CPZ: variants seen among roughly 807,000 people sequenced by gnomAD.
CPZ encodes the protein carboxypeptidase Z.
A neutral mutation model predicts 61.8 loss-of-function variants in CPZ; 103 were observed. The ratio of observed to expected loss-of-function variants is 1.67; its 90% CI spans 1.42 to 1.96. The LOEUF (loss-of-function observed/expected upper bound fraction) is 1.96, where lower values mean the gene tolerates loss of function less well. Among genes scored for constraint, CPZ ranks in the 30% most tolerant of loss-of-function variants. The pLI is 0.00. For missense variants in CPZ, 1,461 were observed against 914.9 expected (o/e 1.60, Z -7.70); for synonymous variants, 551 against 373.7 (o/e 1.47, Z -5.47).
At chr4:8,601,047 C>A in intron 2 of CPZ, 76 bp from the exon 3 acceptor site, 1 of 1,489,972 alleles carries the variant, frequency 6.7e-7, no homozygotes, top group Admixed American at 2.3e-5. Flanking sequence ...TGCGTGGGGT[C>A]CCCTACGTAA....
chr4:8,606,156 C>G lies in CPZ; in HGVS notation c.877C>G (p.Pro293Ala). Residue 293 changes from proline to alanine, a missense_variant, in exon 5 of 11, where the codon CCT becomes GCT. Coordinates refer to ENST00000360986, the MANE Select transcript of CPZ (RefSeq NM_001014447.3). ...CATCCACCTGCTGCCCTCCATGAACCCTGACGGCTATGAGGTGGCAGCTGC... is the reference window on the plus strand; with the variant it reads ...CATCCACCTGCTGCCCTCCATGAACGCTGACGGCTATGAGGTGGCAGCTGC... ...TRIHLLPSMN[P>A]DGYEVAAAEG... 6.2e-7 allele frequency: 1 copy of G among 1,614,152 alleles called. No homozygotes were observed. Among genetic ancestry groups the G allele is most frequent in the Non-Finnish European group, 8.5e-7 (1 of 1,180,024 alleles).
At chr4:8,609,900 C>T (rs1247142526) in intron 7 of CPZ, among the ~76,000 whole-genome samples, 1 of 152,168 alleles carries the variant, frequency 6.6e-6, no homozygotes, top group Non-Finnish European at 1.5e-5. Context: ...TGGGGTGTGC[C>T]AAGGTACCCT....
intron 7 of CPZ, among the ~76,000 whole-genome samples, chr4:8,608,646 G>GTGTGTA (rs764702901): frequency 6.6e-6 from 1 of 151,514 alleles, no homozygotes; most frequent in African/African-American, 2.4e-5. Flanking sequence ...GTGCACGTGT[G>GTGTGTA]TGCGTGTGCA....
intron 3 of CPZ, chr4:8,603,593 C>T (rs76340726): frequency 0.16 from 41,474 of 266,038 alleles, 3,926 homozygotes; most frequent in Non-Finnish European, 0.2. Context: ...GCCTGAGTGC[C>T]ACTGTCATGG....
Position 8,606,892 on chromosome 4 carries a change from G to C in CPZ, c.1062G>C (p.Trp354Cys). ...TCCCCATCCCCCAGCACTACTGGTG[G>C]GGTAAGGTAGGAGCCGCCGCTGCCC... Reference protein sequence around the residue: ...DHIPIPQHYWWGKVAPETKAI... With the variant: ...DHIPIPQHYWCGKVAPETKAI... The change falls in exon 6 of 11, where the codon TGG (tryptophan) becomes TGC (cysteine). Residue 354 changes from tryptophan (W) to cysteine (C), a missense_variant. By Grantham distance (215) the Trp-to-Cys change is radical. Coordinates refer to ENST00000360986, the MANE Select transcript of CPZ (RefSeq NM_001014447.3). 1 of 1,608,794 alleles carries C rather than the reference G, an allele frequency of 6.2e-7. No individual in the cohort carries two copies. Among genetic ancestry groups the C allele is most frequent in the Non-Finnish European group, 8.5e-7 (1 of 1,177,908 alleles).
At chr4:8,612,203 GTGCAGGGGCT>G in intron 8 of CPZ, 41 bp downstream of exon 8, 1 of 263,582 alleles carries the variant, frequency 3.8e-6, no homozygotes, top group Non-Finnish European at 6.8e-6. Flanking sequence ...GGGGTGGGGG[GTGCAGGGGCT>G]GGGTGGGGCA....
intron 1 of CPZ, among the ~76,000 whole-genome samples, chr4:8,595,955 G>A (rs1455434984): frequency 1.3e-5 from 2 of 152,312 alleles, no homozygotes; most frequent in Non-Finnish European, 1.5e-5. Flanking sequence ...ACCAGGAGCC[G>A]GGAGGGGCGG....
Position 8,601,298 on chromosome 4 carries a change from G to A in CPZ, c.297G>A (p.Leu99=), listed in dbSNP as rs1440598194. 1.2e-6 allele frequency: 2 copies of A among 1,612,912 alleles called. No individual in the cohort carries two copies. The highest frequency in any genetic ancestry group is 1.7e-5 in the Admixed American group (1 of 60,008). The change falls in exon 3 of 11, where the codon CTG becomes CTA. Residue 99 remains leucine (L), a synonymous_variant. Coordinates refer to ENST00000360986, the MANE Select transcript of CPZ (RefSeq NM_001014447.3). ...GCCAGTGCAACCCGGACCTGCGGCT[G>A]CTGGGCTGTGCTGTGCTGGCCCCCC... The part of the protein sequence containing the change: ...LEGQCNPDLR[L]LGCAVLAPRC...
chr4:8,611,145 A>T, intron 7 of CPZ: 2 of 436,284 alleles, frequency 4.6e-6, no homozygotes, highest in Non-Finnish European at 9.5e-6. Flanking sequence ...AGTGTCCTCC[A>T]CTCCTCCTTT....
At chr4:8,600,110 T>C (rs1714462136) in intron 2 of CPZ, 1 of 152,222 alleles carries the variant, frequency 6.6e-6, no homozygotes, top group Admixed American at 6.5e-5. Flanking sequence ...CAATGACATA[T>C]GTAAAATGTC....
chr4:8,608,906 G>A (rs974828204), intron 7 of CPZ, among the ~76,000 whole-genome samples: 1 of 152,160 alleles, frequency 6.6e-6, no homozygotes. Context: ...AGAGCAAGCT[G>A]AGCACTCTGC....
chr4:8,618,195 C>A (rs1038296616), intron 9 of CPZ: 1 of 548,736 alleles, frequency 1.8e-6, no homozygotes, highest in East Asian at 3.2e-5. Flanking sequence ...GATGCAGGGT[C>A]ATTCAAAAGC....
intron 1 of CPZ, among the ~76,000 whole-genome samples, chr4:8,597,013 C>T (rs1459008642): frequency 3.3e-5 from 5 of 152,230 alleles, no homozygotes; most frequent in African/African-American, 7.2e-5. Flanking sequence ...AGCCGGGCAC[C>T]GTCAGAGCCT....
intron 7 of CPZ, among the ~76,000 whole-genome samples, chr4:8,609,971 G>C (rs1715515221): frequency 6.6e-6 from 1 of 152,186 alleles, no homozygotes. Flanking sequence ...AGTGTTCAAG[G>C]CCCTGCAGGC....
At chr4:8,609,160 TCATTCACTCACC>T (rs1300702288) in intron 7 of CPZ, among the ~76,000 whole-genome samples, 4 of 137,200 alleles carry the variant, frequency 2.9e-5, no homozygotes, top group African/African-American at 1.2e-4. Context: ...ACTCCCTCAC[TCATTCACTCACC>T]CATTCACTCA....
intron 9 of CPZ, among the ~76,000 whole-genome samples, chr4:8,617,286 C>T (rs1716257396): frequency 6.6e-6 from 1 of 152,192 alleles, no homozygotes; most frequent in Non-Finnish European, 1.5e-5. Context: ...AACTGAGGCA[C>T]CCAGAAGCAA....
In CPZ at chr4:8,592,919, C is replaced by T. The variant is rs755483615; in HGVS notation, c.86C>T (p.Ala29Val). 9 of 1,534,726 alleles carry T rather than the reference C, an allele frequency of 5.9e-6. No individual in the cohort carries two copies. The South Asian group carries it at 7.2e-5, about 12-fold the overall frequency. The stretch of plus-strand genomic sequence containing the variant: ...GGGTGCGAGTTTGAGCGGAACCCCG[C>T]CGGTAAGGCCGTCCCCTGCCCCCAC... ...RPGCEFERNP[A>V]GECHRPPAAD... is the part of the protein sequence containing the mutation. The change falls in exon 1 of 11, where the codon GCC (alanine) becomes GTC (valine). Residue 29 changes from alanine to valine, a missense_variant and splice_region_variant. Coordinates refer to ENST00000360986, the MANE Select transcript of CPZ (RefSeq NM_001014447.3).
rs114346948 is a variant in CPZ at position 8,615,324 on chromosome 4, C to T, written c.1503+826C>T. Reference sequence around the variant, plus strand: ...TCTGTGCCCATGTCTGCTCCCCTTCCAGCACAGCTCACACCGAGGGTGCTG... The same window carrying T: ...TCTGTGCCCATGTCTGCTCCCCTTCTAGCACAGCTCACACCGAGGGTGCTG... On this transcript the variant is annotated intron_variant, in intron 9 of 10. Transcript: ENST00000360986. Among the ~76,000 whole-genome samples, 1,382 of 152,244 alleles carry T rather than the reference C, an allele frequency of 9.1e-3. 22 individuals are homozygous for T. Among genetic ancestry groups the T allele is most frequent in the African/African-American group, 0.032 (1,328 of 41,534 alleles).
At chr4:8,609,209 TACTCATTCACTTACTC>T (rs1056999521) in intron 7 of CPZ, among the ~76,000 whole-genome samples, 1 of 43,414 alleles carries the variant, frequency 2.3e-5, no homozygotes, top group Non-Finnish European at 5.7e-5. Context: ...CTCACTCACT[TACTCATTCACTTACTC>T]ACTCATTGTC....
Sources: allele counts gnomAD v4.1 joint callset (sites outside exome capture counted in the v4.1 genomes callset), GRCh38; gene constraint gnomAD v4.1.1; transcripts MANE v1.5; gene names NCBI Gene and HGNC (gene_info 2026-07-23, HGNC 2026-07-21).